PGF: variants seen among roughly 807,000 people sequenced by gnomAD.
The protein encoded by PGF is placenta growth factor.
PGF carries 11 observed loss-of-function variants against 25.3 expected under a neutral mutation model. The observed-to-expected ratio is 0.43, with a 90% CI of 0.27 to 0.72. PGF has a LOEUF of 0.72. Ranked by LOEUF, PGF falls within the 30% of genes least tolerant of loss-of-function variation. PGF has a pLI of 0.18. For synonymous variants in PGF, 105 were observed against 97.9 expected, an observed-to-expected ratio of 1.07 and a Z score of -0.43; for missense variants, 230 against 234.9, an observed-to-expected ratio of 0.98 and a Z score of 0.14.
At chr14:74,954,259 C>A (rs1888934497) in intron 1 of PGF, 2 of 400,538 alleles carry the variant, frequency 5.0e-6, no homozygotes, top group South Asian at 5.9e-5. Flanking sequence ...ACCCAGCCCC[C>A]AGGCCAACCC....
In PGF at chr14:74,955,225, C is replaced by A; in HGVS notation, c.18G>T (p.Leu6=). 6.7e-7 allele frequency: 1 copy of A among 1,484,626 alleles called. No homozygotes were observed. Among genetic ancestry groups the A allele is most frequent in the Non-Finnish European group, 9.0e-7 (1 of 1,109,576 alleles). 92.0% of individuals were successfully genotyped at this position (1,484,626 alleles called of 1,614,324 possible). MPVMR[L]FPCFLQLLAG... is the part of the protein sequence containing the mutation. ...CCAGGAGCTGCAGGAAGCAAGGGAACAGCCTCATGACCGGCATCTTCTCAG... is the reference window on the plus strand; with the variant it reads ...CCAGGAGCTGCAGGAAGCAAGGGAAAAGCCTCATGACCGGCATCTTCTCAG... The change falls in exon 1 of 7, where the codon CTG becomes CTT. Residue 6 remains leucine, a synonymous_variant. Transcript: ENST00000555567. This position sits in a 1 kb window ranked among gnomAD's most constrained non-coding sequence, Gnocchi z 4.1.
rs540691435 is a variant in PGF, at chr14:74,944,318, G to A, written c.486-1585C>T. Among the ~76,000 whole-genome samples, 72 of 151,978 alleles carry A rather than the reference G, an allele frequency of 4.7e-4. No individual in the cohort carries two copies. In the South Asian group the frequency reaches 8.5e-3, roughly 18 times the overall value. On this transcript the variant is annotated intron_variant, in intron 6 of 6. Transcript: ENST00000555567. The stretch of plus-strand genomic sequence containing the variant: ...GGGGTTTCACCATGTTAGCCAGGAT[G>A]GTCTCGATCTCCTAACCTTGCGATC...
chr14:74,948,835 CAG>C (rs1888805523), intron 3 of PGF, among the ~76,000 whole-genome samples: 2 of 152,204 alleles, frequency 1.3e-5, no homozygotes, highest in African/African-American at 4.8e-5. Flanking sequence ...GTTCTGGAGT[CAG>C]AGAGACCCGT....
chr14:74,952,420 T>C (rs574354722), intron 2 of PGF, among the ~76,000 whole-genome samples: 2 of 152,326 alleles, frequency 1.3e-5, no homozygotes, highest in South Asian at 4.1e-4. Flanking sequence ...GTCTGAGGCT[T>C]GGGGCGACCC....
chr14:74,952,241 G>C (rs780053358), intron 2 of PGF, among the ~76,000 whole-genome samples: 1 of 152,216 alleles, frequency 6.6e-6, no homozygotes, highest in African/African-American at 2.4e-5. Flanking sequence ...CACTGGAGAC[G>C]GGCCACAGGG....
chr14:74,949,338 G>A lies in PGF; in HGVS notation c.315+19C>T. On this transcript the variant is annotated intron_variant, in intron 3 of 6. Coordinates refer to ENST00000555567, the MANE Select transcript of PGF (RefSeq NM_002632.6). ...TAGTGGGCAGATTCGGTGGCCCCCTGGGCAGGGTATGGACCTACCTGCATG... is the reference window on the plus strand; with the variant it reads ...TAGTGGGCAGATTCGGTGGCCCCCTAGGCAGGGTATGGACCTACCTGCATG... The A allele has an allele frequency of 6.7e-7, 1 of 1,481,818 alleles. No homozygotes were observed. The highest frequency in any genetic ancestry group is 9.0e-7 in the Non-Finnish European group (1 of 1,107,514). The allele number at this position is 1,481,818 out of a possible 1,614,324, so 91.8% of individuals were successfully genotyped here. A position where few individuals can be genotyped will look rare whatever the true frequency, so the allele number is the denominator to read the frequency against.
intron 4 of PGF, chr14:74,947,586 T>C (rs1385184926): frequency 1.3e-5 from 2 of 152,230 alleles, no homozygotes; most frequent in Admixed American, 6.5e-5. Context: ...AAAATGGGGA[T>C]GACAATAGGG....
chr14:74,949,419 C>T lies in PGF; in HGVS notation c.253G>A (p.Gly85Ser), dbSNP rs368317769. ...TGCAGATTCTCATCGCCGCAGCAGCCGGTGCAGCGCAGCAGGGAGACACAG... is the reference window on the plus strand; with the variant it reads ...TGCAGATTCTCATCGCCGCAGCAGCTGGTGCAGCGCAGCAGGGAGACACAG... The part of the protein sequence containing the change: ...PSCVSLLRCT[G>S]CCGDENLHCV... The change falls in exon 3 of 7, where the codon GGC (glycine) becomes AGC (serine). Residue 85 changes from glycine (G) to serine (S), a missense_variant. By Grantham distance (56) the Gly-to-Ser change is moderately conservative (BLOSUM62 0). Transcript: ENST00000555567. The T allele has an allele frequency of 4.4e-6, 7 of 1,608,984 alleles. No individual in the cohort carries two copies. The highest frequency in any genetic ancestry group is 3.3e-5 in the South Asian group (3 of 90,520).
chr14:74,951,885 T>C (rs575331644), intron 2 of PGF, among the ~76,000 whole-genome samples: 1 of 152,166 alleles, frequency 6.6e-6, no homozygotes, highest in South Asian at 2.1e-4. Context: ...CAAAAGGGGC[T>C]GGGTGAGGGG....
chr14:74,945,644 T>G (rs944339582), intron 6 of PGF: 3 of 152,764 alleles, frequency 2.0e-5, no homozygotes, highest in African/African-American at 7.2e-5. Context: ...CATCCTTCTC[T>G]CCCAGCCACA....
intron 1 of PGF, 141 bp from the exon 2 acceptor site, chr14:74,954,087 C>A: frequency 2.7e-6 from 2 of 743,094 alleles, no homozygotes; most frequent in Non-Finnish European, 4.7e-6. Flanking sequence ...CTCAGAGCAG[C>A]CTGAGTACCA....
Position 74,953,823 on chromosome 14 carries a change from C to T in PGF, c.118+81G>A, listed in dbSNP as rs1241846263. 2.2e-5 allele frequency: 31 copies of T among 1,403,866 alleles called. No homozygotes were observed. Among genetic ancestry groups the T allele is most frequent in the African/African-American group, 7.1e-5 (5 of 70,878 alleles). The allele number at this position is 1,403,866 out of a possible 1,614,324, so 87.0% of individuals were successfully genotyped here. On this transcript the variant is annotated intron_variant, in intron 2 of 6. Coordinates refer to ENST00000555567, the MANE Select transcript of PGF (RefSeq NM_002632.6). This position sits in a 1 kb window ranked among gnomAD's most constrained non-coding sequence, Gnocchi z 5.4. ...CCCAGCTTTTATCAACCTGCACCCA[C>T]GCTTCATGCCACACCTGGGCTTGGG...
chr14:74,944,098 T>C (rs1035567111), intron 6 of PGF, among the ~76,000 whole-genome samples: 4 of 145,688 alleles, frequency 2.7e-5, no homozygotes, highest in East Asian at 4.0e-4. Context: ...TTTTTTTTGC[T>C]TGTTAATTTT....
intron 1 of PGF, 61 bp from the exon 2 acceptor site, chr14:74,954,007 C>G: frequency 6.4e-7 from 1 of 1,556,642 alleles, no homozygotes; most frequent in South Asian, 1.1e-5. Flanking sequence ...ACTCTTGGGC[C>G]AAGTGTGATG....
chr14:74,946,724 C>T, intron 4 of PGF: 2 of 696,992 alleles, frequency 2.9e-6, no homozygotes, highest in Admixed American at 2.0e-5. Flanking sequence ...GTTGCTTTTT[C>T]TTTCTCACTT....
rs909648557 is a variant in PGF at position 74,942,404 on chromosome 14, T to C, written c.*302A>G. The stretch of plus-strand genomic sequence containing the variant: ...CCCCTTCTTTCCTTCTGCAGGCCCC[T>C]GGAGACCTCCAGGGCCTCTGGGGCC... On this transcript the variant is annotated 3_prime_UTR_variant, in exon 7 of 7. Transcript: ENST00000555567. 2 of 393,646 alleles carry C rather than the reference T, an allele frequency of 5.1e-6. No individual in the cohort carries two copies. Among genetic ancestry groups the C allele is most frequent in the Non-Finnish European group, 9.1e-6 (2 of 218,718 alleles). The allele number at this position is 393,646 out of a possible 1,614,324, so 24.4% of individuals were successfully genotyped here.
At chr14:74,952,909 C>T (rs1305356617) in intron 2 of PGF, among the ~76,000 whole-genome samples, 1 of 152,214 alleles carries the variant, frequency 6.6e-6, no homozygotes, top group African/African-American at 2.4e-5. Context: ...TCTTTGGTAG[C>T]TGTGGCCTGA....
At chr14:74,946,492 C>T (rs950654776) in intron 4 of PGF, 84 bp from the exon 5 acceptor site, 7 of 1,347,990 alleles carry the variant, frequency 5.2e-6, no homozygotes, top group Non-Finnish European at 6.2e-6. Flanking sequence ...AGGTCCCCTC[C>T]GACATCCCCA....
chr14:74,949,913 C>G (rs1262925498), intron 2 of PGF, among the ~76,000 whole-genome samples: 2 of 152,204 alleles, frequency 1.3e-5, no homozygotes, highest in South Asian at 4.1e-4. Flanking sequence ...ACTTGGAGAA[C>G]TTGCAGAAAA....
Sources: allele counts gnomAD v4.1 joint callset (sites outside exome capture counted in the v4.1 genomes callset), GRCh38; gene constraint gnomAD v4.1.1; non-coding constraint Gnocchi (gnomAD v3.1); transcripts MANE v1.5; gene names NCBI Gene and HGNC (gene_info 2026-07-23, HGNC 2026-07-21).